NAB2: variants seen among roughly 807,000 people sequenced by gnomAD.
NAB2 encodes the protein NGFI-A binding protein 2, also known as NGFI-A-binding protein 2.
A neutral mutation model predicts 44.2 loss-of-function variants in NAB2; 9 were observed. That is an observed-to-expected ratio of 0.20 (90% CI 0.12 to 0.36). The LOEUF is 0.36. NAB2 is among the 10% of genes least tolerant of loss of function. NAB2 has a pLI of 1.00. For missense variants in NAB2, 514 were observed against 709.0 expected, an observed-to-expected ratio of 0.73 and a Z score of 3.12; for synonymous variants, 342 against 291.0, an observed-to-expected ratio of 1.18 and a Z score of -1.78.
intron 6 of NAB2, 75 bp from the exon 7 acceptor site, chr12:57,094,537 C>T: frequency 8.2e-7 from 1 of 1,220,340 alleles, no homozygotes; most frequent in Non-Finnish European, 1.2e-6. Flanking sequence ...TTCTTTGCCC[C>T]TGCTTCTGTT....
At position 57,093,163 on chromosome 12, in the gene NAB2, T is replaced by C. The variant is rs1218265094; in HGVS notation, c.1244T>C (p.Leu415Pro). ...RPSLEEDSASLSGESLDGHLQ... is the reference protein window; with the variant it reads ...RPSLEEDSASPSGESLDGHLQ... ...AGCCTGGAGGAGGACAGCGCCAGCCTGTCTGGGGAGAGTCTGGATGGACAT... is the reference window on the plus strand; with the variant it reads ...AGCCTGGAGGAGGACAGCGCCAGCCCGTCTGGGGAGAGTCTGGATGGACAT... Residue 415 changes from leucine to proline, a missense_variant, in exon 5 of 7, where the codon CTG becomes CCG. Leu to Pro is a moderately conservative substitution (Grantham distance 98, BLOSUM62 -3). Around this residue, in one of 5 missense-constraint regions of NAB2, gnomAD observed 194 missense variants for 223.9 expected, o/e 0.87. Transcript: ENST00000300131. 6.2e-7 allele frequency: 1 copy of C among 1,612,322 alleles called. No homozygotes were observed. Among genetic ancestry groups the C allele is most frequent in the African/African-American group, 1.3e-5 (1 of 74,996 alleles).
Position 57,091,831 on chromosome 12 carries a change from G to A in NAB2, c.790G>A (p.Val264Ile), listed in dbSNP as rs1451065045. The A allele has an allele frequency of 6.2e-7, 1 of 1,614,206 alleles. No homozygotes were observed. Among genetic ancestry groups the A allele is most frequent in the Non-Finnish European group, 8.5e-7 (1 of 1,180,014 alleles). ...RSFPRGDAGE[V>I]TSLLKLNKKL... The stretch of plus-strand genomic sequence containing the variant: ...CTTCCCAAGGGGGGATGCTGGGGAG[G>A]TCACATCCCTGCTAAAGCTGAATAA... Residue 264 changes from valine to isoleucine, a missense_variant, in exon 2 of 7, where the codon GTC becomes ATC. Transcript: ENST00000300131. The surrounding 1 kb of genome is among the most constrained non-coding windows in gnomAD (Gnocchi z 7.3).
At position 57,093,187 on chromosome 12, in the gene NAB2, A is replaced by G. The variant is rs774115078; in HGVS notation, c.1268A>G (p.His423Arg). 1 of 1,433,446 alleles carries G rather than the reference A, an allele frequency of 7.0e-7. No individual in the cohort carries two copies. The highest frequency in any genetic ancestry group is 9.3e-7 in the Non-Finnish European group (1 of 1,069,896). The allele number at this position is 1,433,446 out of a possible 1,614,324, so 88.8% of individuals were successfully genotyped here. Residue 423 changes from histidine to arginine, a missense_variant, in exon 5 of 7, where the codon CAT becomes CGT. Physicochemically the swap from His to Arg is conservative, Grantham distance 29. Around this residue, in one of 5 missense-constraint regions of NAB2, gnomAD observed 194 missense variants for 223.9 expected, o/e 0.87. Coordinates refer to ENST00000300131, the MANE Select transcript of NAB2 (RefSeq NM_005967.4). ...ASLSGESLDG[H>R]LQAVGSCPRL... ...CTGTCTGGGGAGAGTCTGGATGGAC[A>G]TTTGCAGGGTGAGTGTGCCTCAGAA...
intron 1 of NAB2, 89 bp downstream of exon 1, chr12:57,089,443 A>G: frequency 3.4e-6 from 2 of 583,066 alleles, no homozygotes; most frequent in Non-Finnish European, 4.9e-6. Context: ...CGAGGGGAGG[A>G]CGTGGGGAAG....
chr12:57,092,555 C>T lies in NAB2; in HGVS notation c.1065C>T (p.Thr355=), dbSNP rs139943686. The change falls in exon 3 of 7, where the codon ACC becomes ACT. Residue 355 remains threonine (T), a synonymous_variant. Transcript: ENST00000300131. ...SLSRQVARES[T]YLSSLKGSRL... Reference sequence around the variant, plus strand: ...CCCGCCAAGTAGCCCGAGAGAGCACCTACTTGTCCTCCTTGAAGGGCTCCA... The same window carrying T: ...CCCGCCAAGTAGCCCGAGAGAGCACTTACTTGTCCTCCTTGAAGGGCTCCA... The T allele has an allele frequency of 1.9e-6, 3 of 1,614,072 alleles. No individual in the cohort carries two copies. In the African/African-American group the frequency reaches 4.0e-5, roughly 22 times the overall value.
At chr12:57,090,140 C>T (rs1050054643) in intron 1 of NAB2, among the ~76,000 whole-genome samples, 1 of 152,070 alleles carries the variant, frequency 6.6e-6, no homozygotes. Context: ...ACTGGGCAGC[C>T]TGGAAGGGTG....
Position 57,091,907 on chromosome 12 carries a change from G to A in NAB2, c.866G>A (p.Ser289Asn). The change falls in exon 2 of 7, where the codon AGC (serine) becomes AAC (asparagine). Residue 289 changes from serine (S) to asparagine (N), a missense_variant. Ser to Asn is a conservative substitution (Grantham distance 46). Around this residue, in one of 5 missense-constraint regions of NAB2, gnomAD observed 53 missense variants for 108.5 expected, o/e 0.49. Transcript: ENST00000300131. The surrounding 1 kb of genome is among the most constrained non-coding windows in gnomAD (Gnocchi z 7.3). Reference protein sequence around the residue: ...GHIFEMDDNDSQKEEEIRKYS... With the variant: ...GHIFEMDDNDNQKEEEIRKYS... ...ATCTTTGAGATGGATGATAATGACA[G>A]CCAGAAGGAAGAGGAGATCCGCAAA... 1 of 1,614,184 alleles carries A rather than the reference G, an allele frequency of 6.2e-7. No individual in the cohort carries two copies. The highest frequency in any genetic ancestry group is 2.2e-5 in the East Asian group (1 of 44,884).
chr12:57,089,688 T>G (rs1592530631), intron 1 of NAB2, among the ~76,000 whole-genome samples: 1 of 138,092 alleles, frequency 7.2e-6, no homozygotes, highest in Non-Finnish European at 1.5e-5. Context: ...GTGCGGAAGG[T>G]GGGGGGACGC....
In NAB2 at chr12:57,091,965, G is replaced by A. The variant is rs1437871243; in HGVS notation, c.924G>A (p.Lys308=). The A allele has an allele frequency of 6.2e-6, 10 of 1,612,518 alleles. No individual in the cohort carries two copies. The highest frequency in any genetic ancestry group is 6.8e-6 in the Non-Finnish European group (8 of 1,178,922). ...TCATCTATGGCCGTTTCGACTCTAA[G>A]CGGCGGGAGGGCAAGCAGCTCAGCC... ...YSIIYGRFDS[K]RREGKQLSLH... The change falls in exon 2 of 7, where the codon AAG becomes AAA. Residue 308 remains lysine (K), a synonymous_variant. Transcript: ENST00000300131. This position sits in a 1 kb window ranked among gnomAD's most constrained non-coding sequence, Gnocchi z 7.3.
At position 57,089,230 on chromosome 12, in the gene NAB2, CCG is replaced by C. The variant is rs1473244694; in HGVS notation, c.-41_-40del. The stretch of plus-strand genomic sequence containing the variant: ...GGCAGCACGCAGCAGGCGCCGAGCG[CCG>C]GGCACCGAGAAGGGCAGCCCGGGTG... On this transcript the variant is annotated 5_prime_UTR_variant, in exon 1 of 7. Transcript: ENST00000300131. 14 of 1,549,508 alleles carry C rather than the reference CCG, an allele frequency of 9.0e-6. No individual in the cohort carries two copies. Among genetic ancestry groups the C allele is most frequent in the Non-Finnish European group, 1.1e-5 (13 of 1,145,750 alleles).
rs1324619190 is a variant in NAB2, at chr12:57,093,573, T to G, written c.1443T>G (p.Cys481Trp). 1 of 1,527,276 alleles carries G rather than the reference T, an allele frequency of 6.5e-7. No homozygotes were observed. Among genetic ancestry groups the G allele is most frequent in the South Asian group, 1.2e-5 (1 of 81,066 alleles). 94.6% of individuals were successfully genotyped at this position (1,527,276 alleles called of 1,614,324 possible). The change falls in exon 6 of 7, where the codon TGT (cysteine) becomes TGG (tryptophan). Residue 481 changes from cysteine (C) to tryptophan (W), a missense_variant. Transcript: ENST00000300131. ...SHDRVGRLSPCVPAKPPLAEF... is the reference protein window; with the variant it reads ...SHDRVGRLSPWVPAKPPLAEF... ...ACCGCGTGGGCCGCCTCAGCCCCTG[T>G]GTGCCTGCGAAGCCACCTCTCGCAG...
In NAB2 at chr12:57,094,820, T is replaced by C; in HGVS notation, c.*99T>C. The C allele has an allele frequency of 3.1e-6, 3 of 952,660 alleles. No homozygotes were observed. Among genetic ancestry groups the C allele is most frequent in the East Asian group, 5.3e-5 (2 of 37,766 alleles). 59.0% of individuals were successfully genotyped at this position (952,660 alleles called of 1,614,324 possible). A position where few individuals can be genotyped will look rare whatever the true frequency, so the allele number is the denominator to read the frequency against. The stretch of plus-strand genomic sequence containing the variant: ...GGAATCTAGTCACAACCCTGGATCC[T>C]TCCTCTGCCCTTCTCCTGCCTCCCC... On this transcript the variant is annotated 3_prime_UTR_variant, in exon 7 of 7. Coordinates refer to ENST00000300131, the MANE Select transcript of NAB2 (RefSeq NM_005967.4).
In NAB2 at chr12:57,094,839, C is replaced by A; in HGVS notation, c.*118C>A. ...GGATCCTTCCTCTGCCCTTCTCCTG[C>A]CTCCCCACCTGCTCCATGGGCATAA... On this transcript the variant is annotated 3_prime_UTR_variant, in exon 7 of 7. Transcript: ENST00000300131. The A allele has an allele frequency of 1.3e-6, 1 of 770,116 alleles. No homozygotes were observed. The highest frequency in any genetic ancestry group is 2.1e-6 in the Non-Finnish European group (1 of 481,064). 47.7% of individuals were successfully genotyped at this position (770,116 alleles called of 1,614,324 possible).
At chr12:57,092,329 C>A in intron 2 of NAB2, 119 bp from the exon 3 acceptor site, 1 of 1,434,108 alleles carries the variant, frequency 7.0e-7, no homozygotes, top group Non-Finnish European at 9.4e-7. Context: ...AGTGTCAAAA[C>A]CAAAGCAAGC....
At position 57,091,661 on chromosome 12, in the gene NAB2, C is replaced by G. The variant is rs933012739; in HGVS notation, c.620C>G (p.Pro207Arg). The G allele has an allele frequency of 4.3e-6, 7 of 1,610,046 alleles. No homozygotes were observed. Among genetic ancestry groups the G allele is most frequent in the South Asian group, 1.1e-5 (1 of 90,848 alleles). Residue 207 changes from proline to arginine, a missense_variant, in exon 2 of 7, where the codon CCC (proline) becomes CGC (arginine). By Grantham distance (103) the Pro-to-Arg change is moderately radical. Transcript: ENST00000300131. The surrounding 1 kb of genome is among the most constrained non-coding windows in gnomAD (Gnocchi z 7.3). ...GGAGAAGAGGAGGCTGGCTCGCCCC[C>G]CTTCTCCCCCCCTGCAGGGGGAGGA... ...AGGEEEAGSP[P>R]FSPPAGGGVP...
At chr12:57,094,192 C>G (rs2033276312) in intron 6 of NAB2, among the ~76,000 whole-genome samples, 1 of 150,754 alleles carries the variant, frequency 6.6e-6, no homozygotes, top group Admixed American at 6.6e-5. Flanking sequence ...TTCCTGTTCT[C>G]CCTCTGATTT....
chr12:57,092,914 C>T lies in NAB2; in HGVS notation c.1092-3C>T, dbSNP rs1367380206. ...TCCACTTTATTCTTACCCATCTTTT[C>T]AGGCTTCACCCTGAAGAACTGGGAG... On this transcript the variant is annotated splice_region_variant and splice_polypyrimidine_tract_variant and intron_variant, in intron 3 of 6. Coordinates refer to ENST00000300131, the MANE Select transcript of NAB2 (RefSeq NM_005967.4). 1.2e-6 allele frequency: 2 copies of T among 1,614,214 alleles called. No homozygotes were observed. Among genetic ancestry groups the T allele is most frequent in the Non-Finnish European group, 1.7e-6 (2 of 1,180,014 alleles).
rs747148378 is a variant in NAB2, at chr12:57,092,484, A to C, written c.994A>C (p.Arg332=). ...CGAGGCTGCTGCCCAGTTCTGCATGAGGGACAACACGCTCTTATTACGGAG... is the reference window on the plus strand; with the variant it reads ...CGAGGCTGCTGCCCAGTTCTGCATGCGGGACAACACGCTCTTATTACGGAG... ...INEAAAQFCM[R]DNTLLLRRVE... Residue 332 remains arginine, a synonymous_variant, in exon 3 of 7, where the codon AGG becomes CGG. Transcript: ENST00000300131. 6.2e-7 allele frequency: 1 copy of C among 1,614,162 alleles called. No individual in the cohort carries two copies. The highest frequency in any genetic ancestry group is 8.5e-7 in the Non-Finnish European group (1 of 1,180,024).
Position 57,095,006 on chromosome 12 carries a change from A to G in NAB2, c.*285A>G. ...CTGGGGTTTTCCCCTCCCTCACACA[A>G]CACACTCCCATTCTCTTTAGGTTTG... On this transcript the variant is annotated 3_prime_UTR_variant, in exon 7 of 7. Coordinates refer to ENST00000300131, the MANE Select transcript of NAB2 (RefSeq NM_005967.4). 2.3e-6 allele frequency: 1 copy of G among 443,218 alleles called. No individual in the cohort carries two copies. Among genetic ancestry groups the G allele is most frequent in the South Asian group, 2.9e-5 (1 of 34,754 alleles). The allele number at this position is 443,218 out of a possible 1,614,324, so 27.5% of individuals were successfully genotyped here.
Sources: allele counts gnomAD v4.1 joint callset (sites outside exome capture counted in the v4.1 genomes callset), GRCh38; gene constraint gnomAD v4.1.1; regional missense constraint gnomAD v4.1.1; non-coding constraint Gnocchi (gnomAD v3.1); transcripts MANE v1.5; gene names NCBI Gene and HGNC (gene_info 2026-07-23, HGNC 2026-07-21).